Variants in MILR1 observed in about 807,000 individuals in gnomAD.
MILR1 encodes the protein mast cell immunoglobulin like receptor 1.
In MILR1, 31 loss-of-function variants were observed where a neutral mutation model predicts 18.5. The observed-to-expected ratio is 1.68, with a 90% confidence interval of 1.26 to 2.26. The LOEUF (loss-of-function observed/expected upper bound fraction) is 2.26. Ranked by LOEUF, MILR1 falls within the 30% of genes most tolerant of loss-of-function variation. The pLI, the probability that MILR1 is intolerant of heterozygous loss-of-function variation, is 0.00. For synonymous variants in MILR1, 85 were observed against 56.2 expected (o/e 1.51, Z -2.30); for missense variants, 257 against 157.4 (o/e 1.63, Z -3.38).
chr17:64,485,351 C>A, the MILR1 span: 1 of 214,654 alleles, frequency 4.7e-6, no homozygotes, highest in Non-Finnish European at 9.4e-6. Flanking sequence ...AGCCAGACAC[C>A]TGGGGCAGAG....
At chr17:64,494,895 C>T in the MILR1 span, among the ~76,000 whole-genome samples, 1 of 152,142 alleles carries the variant, frequency 6.6e-6, no homozygotes, top group Non-Finnish European at 1.5e-5. Context: ...ATCTGGAGGC[C>T]GGGCGCAGTG....
At chr17:64,481,383 C>T in the MILR1 span, 1 of 985,208 alleles carries the variant, frequency 1.0e-6, no homozygotes, top group African/African-American at 1.7e-5. Flanking sequence ...TTTTTAGTGT[C>T]CGCATTCAGG....
chr17:64,493,133 G>A, the MILR1 span: 2 of 1,223,428 alleles, frequency 1.6e-6, no homozygotes, highest in African/African-American at 3.0e-5. Context: ...AAAGACAGAT[G>A]TTGGCTAAGC....
intron 5 of MILR1, among the ~76,000 whole-genome samples, chr17:64,464,563 CAT>C (rs1283821670): frequency 4.0e-5 from 6 of 151,138 alleles, no homozygotes; most frequent in African/African-American, 1.5e-4. Context: ...GTCTTAAAAA[CAT>C]GTTTCTCCTT....
At chr17:64,467,264 TCTGA>T (rs1555663613) in intron 8 of MILR1, among the ~76,000 whole-genome samples, 3 of 128,064 alleles carry the variant, frequency 2.3e-5, no homozygotes, top group Non-Finnish European at 4.7e-5. Context: ...CACCACCATG[TCTGA>T]CTAATTTTTT....
chr17:64,479,977 T>A, the MILR1 span, among the ~76,000 whole-genome samples: 11 of 152,226 alleles, frequency 7.2e-5, no homozygotes, highest in Non-Finnish European at 1.5e-4. Context: ...TCCACTCATA[T>A]TCCTTCAGTC....
At chr17:64,475,077 T>C in the MILR1 span, among the ~76,000 whole-genome samples, 1 of 151,198 alleles carries the variant, frequency 6.6e-6, no homozygotes, top group African/African-American at 2.4e-5. Context: ...TAATCCCAGC[T>C]ACTCAGGAGG....
At chr17:64,476,543 A>T in the MILR1 span, among the ~76,000 whole-genome samples, 57 of 152,096 alleles carry the variant, frequency 3.7e-4, no homozygotes, top group Middle Eastern at 3.4e-3. Flanking sequence ...TAAATAAATA[A>T]ATTACTGATA....
the MILR1 span, among the ~76,000 whole-genome samples, chr17:64,494,950 G>A: frequency 1.1e-4 from 17 of 152,186 alleles, no homozygotes; most frequent in Admixed American, 9.2e-4. Flanking sequence ...GAGGCGGGCG[G>A]ATCACAAGGT....
the MILR1 span, chr17:64,485,735 TG>T: frequency 6.2e-7 from 1 of 1,612,556 alleles, no homozygotes; most frequent in Admixed American, 1.7e-5. Context: ...CACCTTTCTA[TG>T]AAGATTTTTC....
chr17:64,480,592 T>C, the MILR1 span, among the ~76,000 whole-genome samples: 2 of 152,208 alleles, frequency 1.3e-5, no homozygotes, highest in Non-Finnish European at 2.9e-5. Context: ...TAATTAAGCA[T>C]AGCAAAGCTG....
chr17:64,493,311 T>C, the MILR1 span, among the ~76,000 whole-genome samples: 1 of 152,002 alleles, frequency 6.6e-6, no homozygotes, highest in Non-Finnish European at 1.5e-5. Flanking sequence ...CCCAGCTACT[T>C]GGAAAGCTGG....
the MILR1 span, among the ~76,000 whole-genome samples, chr17:64,492,176 G>A: frequency 2.0e-5 from 3 of 152,172 alleles, no homozygotes; most frequent in Non-Finnish European, 4.4e-5. Flanking sequence ...TTGATGACTC[G>A]TGATTATTTC....
At chr17:64,471,288 C>T (rs1253868751), downstream of MILR1, among the ~76,000 whole-genome samples, 1 of 152,124 alleles carries the variant, frequency 6.6e-6, no homozygotes, top group Non-Finnish European at 1.5e-5. Context: ...CTGGAATCTT[C>T]TGAAGAGCCC....
chr17:64,488,828 C>T, the MILR1 span, among the ~76,000 whole-genome samples: 53 of 152,034 alleles, frequency 3.5e-4, no homozygotes, highest in Non-Finnish European at 6.0e-4. Flanking sequence ...ATTAACCGGG[C>T]GTGGTGGCGC....
At chr17:64,463,256 C>T (rs920455072) in intron 5 of MILR1, among the ~76,000 whole-genome samples, 1,950 of 152,248 alleles carry the variant, frequency 0.013, 44 homozygotes, top group African/African-American at 0.044. Context: ...GATCCTCCCA[C>T]CTCAGCCTCC....
the MILR1 span, among the ~76,000 whole-genome samples, chr17:64,497,333 T>G: frequency 0.013 from 1,947 of 152,370 alleles, 45 homozygotes; most frequent in African/African-American, 0.045. Flanking sequence ...TCCAGAAAAT[T>G]AAAATACTTC....
the MILR1 span, chr17:64,497,139 C>G: frequency 1.7e-5 from 12 of 705,862 alleles, no homozygotes; most frequent in Admixed American, 8.4e-5. Flanking sequence ...CGGCCGCAGC[C>G]GTCCCCCGCC....
At chr17:64,466,564 A>T (rs782521490) in intron 7 of MILR1, 30 bp from the exon 8 acceptor site, 1 of 1,611,194 alleles carries the variant, frequency 6.2e-7, no homozygotes, top group South Asian at 1.1e-5. Context: ...TAATTGGCCC[A>T]ATAATTCCTA....
Sources: gnomAD v4.1 joint callset for allele counts (sites outside exome capture counted in the v4.1 genomes callset) on GRCh38, gnomAD v4.1.1 for gene constraint, MANE v1.5 for transcripts, NCBI Gene and HGNC (gene_info 2026-07-23, HGNC 2026-07-21) for gene names.